CROCC: variants seen among roughly 807,000 people sequenced by gnomAD.
CROCC encodes the protein ciliary rootlet coiled-coil, rootletin.
In CROCC, 180 loss-of-function variants were observed where a neutral mutation model predicts 245.2. The observed-to-expected ratio is 0.73, with a 90% CI of 0.65 to 0.83. The LOEUF (loss-of-function observed/expected upper bound fraction) is 0.83. CROCC is among the 40% of genes least tolerant of loss of function. The pLI, the probability that CROCC is intolerant of heterozygous loss-of-function variation, is 0.00. For missense variants in CROCC, 2,688 were observed against 2,779.4 expected (o/e 0.97, Z 0.74); for synonymous variants, 1,205 against 1,241.6 (o/e 0.97, Z 0.62).
chr1:16,944,777 A>G (rs1271087319), intron 14 of CROCC, among the ~76,000 whole-genome samples: 3 of 152,260 alleles, frequency 2.0e-5, no homozygotes, highest in Non-Finnish European at 4.4e-5. Flanking sequence ...GAACCCAGAC[A>G]TTCTGCCTTC....
chr1:16,926,364 G>A (rs1024522869), intron 3 of CROCC, among the ~76,000 whole-genome samples: 1 of 152,258 alleles, frequency 6.6e-6, no homozygotes, highest in African/African-American at 2.4e-5. Context: ...GTGGTCCTGG[G>A]ATGAGACCCT....
At chr1:16,972,207 C>T (rs1455487925) in intron 36 of CROCC, among the ~76,000 whole-genome samples, 153 bp from the exon 37 acceptor site, 6 of 152,176 alleles carry the variant, frequency 3.9e-5, no homozygotes, top group Non-Finnish European at 8.8e-5. Flanking sequence ...CTATAAGGAA[C>T]AAAATGAGAA....
At chr1:16,942,004 G>A (rs530955810) in intron 13 of CROCC, among the ~76,000 whole-genome samples, 23 of 152,314 alleles carry the variant, frequency 1.5e-4, no homozygotes, top group African/African-American at 5.3e-4. Context: ...GCCTAGCCTT[G>A]AAGATTTTTT....
chr1:16,954,629 G>A lies in CROCC; in HGVS notation c.3322-105G>A, dbSNP rs2076217997. 12 of 1,410,800 alleles carry A rather than the reference G, an allele frequency of 8.5e-6. No homozygotes were observed. The highest frequency in any genetic ancestry group is 2.6e-4 in the Middle Eastern group (1 of 3,880). The allele number at this position is 1,410,800 out of a possible 1,614,324, so 87.4% of individuals were successfully genotyped here. A position where few individuals can be genotyped will look rare whatever the true frequency, so the allele number is the denominator to read the frequency against. Reference sequence around the variant, plus strand: ...AGAGGGTCCGGCAGGCCAGCGGGAGGGGCCGTGTTTAGAGCTAAAAGTGGA... The same window carrying A: ...AGAGGGTCCGGCAGGCCAGCGGGAGAGGCCGTGTTTAGAGCTAAAAGTGGA... On this transcript the variant is annotated intron_variant, in intron 22 of 36. Transcript: ENST00000375541. The surrounding 1 kb of genome is among the most constrained non-coding windows in gnomAD (Gnocchi z 4.4).
At chr1:16,951,687 A>G (rs1228369396) in intron 20 of CROCC, among the ~76,000 whole-genome samples, 1 of 152,232 alleles carries the variant, frequency 6.6e-6, no homozygotes, top group African/African-American at 2.4e-5. Context: ...TCCATAAGTT[A>G]TGATTGCTGG....
intron 1 of CROCC, 144 bp from the exon 2 acceptor site, chr1:16,922,519 G>T (rs1277052347): frequency 8.0e-7 from 1 of 1,246,544 alleles, no homozygotes. Context: ...GGGATTTTTT[G>T]GATTCTAACT....
chr1:16,944,073 T>C, intron 13 of CROCC, 27 bp from the exon 14 acceptor site: 1 of 1,518,322 alleles, frequency 6.6e-7, no homozygotes, highest in South Asian at 1.3e-5. Flanking sequence ...CAGCATCCCC[T>C]CTGCTCCCCC....
In CROCC at chr1:16,965,769, T is replaced by G. The variant is rs1258874143; in HGVS notation, c.4452T>G (p.Pro1484=). ...LNSPSTLECS[P]GSQPPSPGPA... ...GCCCCAGCACCTTAGAATGCAGCCC[T>G]GGGTCCCAGCCACCATCTCCAGGAC... The change falls in exon 28 of 37, where the codon CCT becomes CCG. Residue 1484 remains proline (P), a synonymous_variant. Transcript: ENST00000375541. 3 of 1,613,802 alleles carry G rather than the reference T, an allele frequency of 1.9e-6. No individual in the cohort carries two copies. The South Asian group carries it at 3.3e-5, about 18-fold the overall frequency.
At chr1:16,932,059 G>A (rs1173269272) in intron 8 of CROCC, among the ~76,000 whole-genome samples, 6 of 152,188 alleles carry the variant, frequency 3.9e-5, no homozygotes, top group African/African-American at 7.2e-5. Flanking sequence ...GAGCCACAGC[G>A]CCAGGCCGAA....
upstream of CROCC, among the ~76,000 whole-genome samples, chr1:16,918,730 A>T (rs1001738042): frequency 7.4e-6 from 1 of 134,596 alleles, no homozygotes. Flanking sequence ...TGGCCGGTTT[A>T]GTTTTTTGTT....
rs1275438048 is a variant in CROCC, at chr1:16,952,239, C to G, written c.3007-1063C>G. ...GCTGACTCATGCCTGTAATCCAGCA[C>G]TTTGGGAGGCCGAGGTGGGCAGATC... On this transcript the variant is annotated intron_variant, in intron 20 of 36. Transcript: ENST00000375541. 4.7e-5 allele frequency among the ~76,000 whole-genome samples: 7 copies of G among 150,204 alleles called. No homozygotes were observed. In the South Asian group the frequency reaches 1.5e-3, roughly 33 times the overall value.
chr1:16,927,725 G>C (rs1391574816), intron 3 of CROCC, among the ~76,000 whole-genome samples: 1 of 152,274 alleles, frequency 6.6e-6, no homozygotes, highest in East Asian at 1.9e-4. Flanking sequence ...GCTGCCTCAG[G>C]CCACCGCCAC....
At chr1:16,922,829 C>T in intron 2 of CROCC, 31 bp downstream of exon 2, 3 of 1,601,396 alleles carry the variant, frequency 1.9e-6, no homozygotes, top group Non-Finnish European at 2.6e-6. Context: ...CCTCCACAAA[C>T]ACCACCCACA....
In CROCC at chr1:16,946,879, G is replaced by A. The variant is rs367868241; in HGVS notation, c.2402G>A (p.Arg801Gln). 37 of 1,561,560 alleles carry A rather than the reference G, an allele frequency of 2.4e-5. No individual in the cohort carries two copies. Among genetic ancestry groups the A allele is most frequent in the East Asian group, 1.9e-4 (8 of 41,922 alleles). ...CTGCGGTTGGAGCAGGAGGTGGCGC[G>A]GCAGGGCCTGGAGGGCTCCCTACGA... ...EELRLEQEVA[R>Q]QGLEGSLRVA... The change falls in exon 17 of 37, where the codon CGG (arginine) becomes CAG (glutamine). Residue 801 changes from arginine to glutamine, a missense_variant. Around this residue, in one of 9 missense-constraint regions of CROCC, gnomAD observed 295 missense variants for 241.7 expected, o/e 1.22. Transcript: ENST00000375541.
At chr1:16,942,532 A>C (rs1344106812) in intron 13 of CROCC, among the ~76,000 whole-genome samples, 14 of 152,374 alleles carry the variant, frequency 9.2e-5, no homozygotes, top group East Asian at 7.7e-4. Context: ...CGTTTCCTGC[A>C]CACCTACTGT....
intron 15 of CROCC, 55 bp from the exon 16 acceptor site, chr1:16,946,204 T>A: frequency 6.3e-7 from 1 of 1,579,656 alleles, no homozygotes; most frequent in Non-Finnish European, 8.6e-7. Context: ...TTGGGCCTCC[T>A]CACCTCCTCC....
At chr1:16,917,469 C>T (rs1396699598), upstream of CROCC, among the ~76,000 whole-genome samples, 2 of 151,900 alleles carry the variant, frequency 1.3e-5, no homozygotes, top group Non-Finnish European at 2.9e-5. Context: ...GCCGCTAGCC[C>T]TGGCAAAAGG....
At chr1:16,946,456 C>G in intron 16 of CROCC, 51 bp downstream of exon 16, 2 of 1,591,258 alleles carry the variant, frequency 1.3e-6, no homozygotes, top group Non-Finnish European at 1.7e-6. Flanking sequence ...ATCCTCCCCA[C>G]TCAGTGAGGC....
rs375832452 is a variant in CROCC, at chr1:16,953,440, C to T, written c.3145C>T (p.Arg1049Cys). The T allele has an allele frequency of 1.2e-6, 2 of 1,609,876 alleles. No homozygotes were observed. The highest frequency in any genetic ancestry group is 1.3e-5 in the African/African-American group (1 of 74,860). ...SEEIAALQQE[R>C]DEGLLLAESE... ...GGAGATTGCTGCCCTGCAGCAGGAG[C>T]GCGACGAGGGCCTCCTCCTAGCAGA... Residue 1049 changes from arginine (R) to cysteine (C), a missense_variant, in exon 21 of 37, where the codon CGC (arginine) becomes TGC (cysteine). Around this residue, in one of 9 missense-constraint regions of CROCC, gnomAD observed 106 missense variants for 126.1 expected, o/e 0.84. Transcript: ENST00000375541.
Sources: allele counts gnomAD v4.1 joint callset (sites outside exome capture counted in the v4.1 genomes callset), GRCh38; gene constraint gnomAD v4.1.1; regional missense constraint gnomAD v4.1.1; non-coding constraint Gnocchi (gnomAD v3.1); transcripts MANE v1.5; gene names NCBI Gene and HGNC (gene_info 2026-07-23, HGNC 2026-07-21).